Variants in HERC1 observed in about 807,000 individuals in gnomAD.
The protein encoded by HERC1 is probable E3 ubiquitin-protein ligase HERC1.
HERC1 carries 160 observed loss-of-function variants against 554.3 expected under a neutral mutation model. The ratio of observed to expected loss-of-function variants is 0.29; its 90% CI spans 0.25 to 0.33. The LOEUF (loss-of-function observed/expected upper bound fraction) is 0.33, where lower values mean the gene tolerates loss of function less well. Among genes scored for constraint, HERC1 ranks in the 10% least tolerant of loss-of-function variants. The probability of loss-of-function intolerance (pLI) is 1.00; values close to 1 mark genes in which losing one functional copy is unlikely to be tolerated. For synonymous variants in HERC1, 2,175 were observed against 2,131.7 expected (o/e 1.02, Z -0.56); for missense variants, 4,919 against 5,918.5 (o/e 0.83, Z 5.54).
chr15:63,811,665 C>A (rs746977703), intron 1 of HERC1, among the ~76,000 whole-genome samples: 4 of 151,746 alleles, frequency 2.6e-5, no homozygotes, highest in African/African-American at 9.7e-5. Flanking sequence ...CAAAATTAGC[C>A]GGGTGTGGTG....
intron 2 of HERC1, among the ~76,000 whole-genome samples, chr15:63,765,427 A>G (rs1028043521): frequency 1.3e-5 from 2 of 152,256 alleles, no homozygotes; most frequent in South Asian, 4.1e-4. Context: ...TGAAGAACTG[A>G]TTCAGGCCAG....
At position 63,612,413 on chromosome 15, in the gene HERC1, C is replaced by T. The variant is rs771460641; in HGVS notation, c.14238G>A (p.Glu4746=). ...EVLKKVVRYR[E]VDEQHQLVQW... ...GCACCAGCTGATGCTGCTCATCCAC[C>T]TCACGGTACCGCACCACTTTCTTCA... is the stretch of plus-strand genomic sequence containing the variant. The change falls in exon 77 of 78, where the codon GAG becomes GAA. Residue 4746 remains glutamate, a synonymous_variant. Transcript: ENST00000443617. The surrounding 1 kb of genome is among the most constrained non-coding windows in gnomAD (Gnocchi z 5.0). The T allele has an allele frequency of 1.9e-6, 3 of 1,614,048 alleles. No individual in the cohort carries two copies. Among genetic ancestry groups the T allele is most frequent in the Non-Finnish European group, 2.5e-6 (3 of 1,179,902 alleles).
At chr15:63,725,536 T>C (rs1477756056) in intron 17 of HERC1, 23 bp from the exon 18 acceptor site, 3 of 1,588,694 alleles carry the variant, frequency 1.9e-6, no homozygotes, top group East Asian at 2.2e-5. Flanking sequence ...TCATTAGTTA[T>C]TGTGTCTTTA....
At chr15:63,724,854 A>C (rs763390920) in intron 18 of HERC1, among the ~76,000 whole-genome samples, 1 of 152,174 alleles carries the variant, frequency 6.6e-6, no homozygotes, top group Non-Finnish European at 1.5e-5. Flanking sequence ...TTAGGACATA[A>C]TATAATGTCA....
At chr15:63,823,228 C>G (rs768936089) in intron 1 of HERC1, among the ~76,000 whole-genome samples, 4 of 152,090 alleles carry the variant, frequency 2.6e-5, no homozygotes, top group Non-Finnish European at 5.9e-5. Flanking sequence ...TCATTTAGCT[C>G]CCACGTATAA....
chr15:63,764,965 T>C (rs1057197730), intron 2 of HERC1, among the ~76,000 whole-genome samples: 2 of 152,146 alleles, frequency 1.3e-5, no homozygotes, highest in African/African-American at 4.8e-5. Context: ...TGGAATTCAG[T>C]GGCAAAGATT....
intron 68 of HERC1, 51 bp downstream of exon 68, chr15:63,632,658 C>CAAT: frequency 8.3e-7 from 1 of 1,200,728 alleles, no homozygotes; most frequent in Non-Finnish European, 1.2e-6. Context: ...ACTGGAAGGC[C>CAAT]AATGTTTATA....
In HERC1 at chr15:63,635,968, ACTT is replaced by A; in HGVS notation, c.12404_12406del (p.Glu4135del). The A allele has an allele frequency of 6.2e-7, 1 of 1,613,792 alleles. No individual in the cohort carries two copies. Among genetic ancestry groups the A allele is most frequent in the Non-Finnish European group, 8.5e-7 (1 of 1,179,830 alleles). On this transcript the variant is annotated inframe_deletion, in exon 65 of 78. Transcript: ENST00000443617. Reference sequence around the variant, plus strand: ...ATCCATTTCCTGCCTGACCTGCACCACTTCTTCTCCTTGTAAGGCCTCGATCTG... The same window carrying A: ...ATCCATTTCCTGCCTGACCTGCACCACTTCTCCTTGTAAGGCCTCGATCTG...
chr15:63,685,616 T>C (rs569665055), intron 34 of HERC1, among the ~76,000 whole-genome samples: 1 of 152,230 alleles, frequency 6.6e-6, no homozygotes, highest in African/African-American at 2.4e-5. Flanking sequence ...TGGCTAAGTC[T>C]AGGACCCCTA....
At chr15:63,795,899 C>T (rs2076798270) in intron 1 of HERC1, among the ~76,000 whole-genome samples, 1 of 152,170 alleles carries the variant, frequency 6.6e-6, no homozygotes, top group Non-Finnish European at 1.5e-5. Context: ...AGGAAGTTAA[C>T]TTGTGGAATG....
At chr15:63,668,672 T>C (rs564537665) in intron 40 of HERC1, among the ~76,000 whole-genome samples, 19 of 152,108 alleles carry the variant, frequency 1.2e-4, no homozygotes, top group African/African-American at 4.6e-4. Context: ...CAAAAAAATA[T>C]CACCAAGGAT....
intron 1 of HERC1, among the ~76,000 whole-genome samples, chr15:63,804,725 T>C (rs1435371446): frequency 6.6e-6 from 1 of 151,988 alleles, no homozygotes. Context: ...GTATCAAGAA[T>C]ATATAAAAAG....
At chr15:63,616,096 A>G (rs2152727724) in intron 75 of HERC1, among the ~76,000 whole-genome samples, 176 bp from the exon 76 acceptor site, 1 of 152,334 alleles carries the variant, frequency 6.6e-6, no homozygotes, top group East Asian at 1.9e-4. Context: ...TGATGACTCA[A>G]CCAGCTGTAG....
chr15:63,794,428 T>C (rs2076748633), intron 1 of HERC1, among the ~76,000 whole-genome samples: 1 of 152,176 alleles, frequency 6.6e-6, no homozygotes, highest in Non-Finnish European at 1.5e-5. Context: ...ATCAACTCAA[T>C]CTTTGGCCCT....
intron 45 of HERC1, among the ~76,000 whole-genome samples, chr15:63,661,466 G>T (rs1017812625): frequency 6.6e-6 from 1 of 152,122 alleles, no homozygotes; most frequent in African/African-American, 2.4e-5. Context: ...CAAATGAAAA[G>T]AATTGAGTAG....
intron 36 of HERC1, 94 bp downstream of exon 36, chr15:63,679,983 G>T: frequency 3.7e-6 from 3 of 809,380 alleles, no homozygotes; most frequent in South Asian, 2.1e-5. Flanking sequence ...ACTTTTAATG[G>T]CAGAAGAAAT....
chr15:63,703,001 G>A (rs1203318734), intron 25 of HERC1, among the ~76,000 whole-genome samples: 2 of 151,940 alleles, frequency 1.3e-5, no homozygotes, highest in African/African-American at 2.4e-5. Context: ...CTACTCAGGA[G>A]GCTGAGGCAG....
intron 1 of HERC1, among the ~76,000 whole-genome samples, chr15:63,790,587 T>A (rs4984309): frequency 1.8e-4 from 26 of 145,686 alleles, no homozygotes; most frequent in East Asian, 3.9e-4. Context: ...CAAAAAAAAA[T>A]TTTTTTTTTA....
rs150155057 is a variant in HERC1 at position 63,680,000 on chromosome 15, T to C, written c.6549+77A>G. 1.7e-3 allele frequency: 1,640 copies of C among 979,600 alleles called. 22 individuals are homozygous for C. In the African/African-American group the frequency reaches 0.025, roughly 15 times the overall value. 60.7% of individuals were successfully genotyped at this position (979,600 alleles called of 1,614,324 possible). On this transcript the variant is annotated intron_variant, in intron 36 of 77. Transcript: ENST00000443617. ...TTTTAATGGCAGAAGAAATAGCTTATTATATTTATAAACTCTATCTGATGC... is the reference window on the plus strand; with the variant it reads ...TTTTAATGGCAGAAGAAATAGCTTACTATATTTATAAACTCTATCTGATGC...
Sources: allele counts gnomAD v4.1 joint callset (sites outside exome capture counted in the v4.1 genomes callset), GRCh38; gene constraint gnomAD v4.1.1; non-coding constraint Gnocchi (gnomAD v3.1); transcripts MANE v1.5; gene names NCBI Gene and HGNC (gene_info 2026-07-23, HGNC 2026-07-21).